Variants in PXN observed in about 807,000 individuals in gnomAD.
PXN encodes testicular tissue protein Li 134.
In PXN, 61 loss-of-function variants were observed where a neutral mutation model predicts 103.6. The ratio of observed to expected loss-of-function variants is 0.59; its 90% CI spans 0.48 to 0.73. The LOEUF is 0.73. PXN is among the 30% of genes least tolerant of loss of function. The pLI is 0.00. For synonymous variants in PXN, 562 were observed against 607.8 expected, an observed-to-expected ratio of 0.92 and a Z score of 1.11; for missense variants, 1,274 against 1,460.3, an observed-to-expected ratio of 0.87 and a Z score of 2.08.
In PXN at chr12:120,221,489, G is replaced by A; in HGVS notation, c.831+134C>T. ...TGGCATCACAGCAAGGCCAGGGCAT[G>A]ACAGTGTCCCTGGCTCAGGGGCAAG... On this transcript the variant is annotated intron_variant, in intron 6 of 14. Transcript: ENST00000637617. The surrounding 1 kb of genome is among the most constrained non-coding windows in gnomAD (Gnocchi z 6.6). 1 of 1,024,410 alleles carries A rather than the reference G, an allele frequency of 9.8e-7. No individual in the cohort carries two copies. The highest frequency in any genetic ancestry group is 1.6e-5 in the South Asian group (1 of 61,400). 63.5% of individuals were successfully genotyped at this position (1,024,410 alleles called of 1,614,324 possible). A position where few individuals can be genotyped will look rare whatever the true frequency, so the allele number is the denominator to read the frequency against.
chr12:120,262,684 C>T (rs995959442), intron 1 of PXN, among the ~76,000 whole-genome samples: 18 of 152,164 alleles, frequency 1.2e-4, no homozygotes, highest in Non-Finnish European at 2.2e-4. Context: ...CCACCAAGTA[C>T]ACTGAGAACA....
chr12:120,227,116 A>G, intron 1 of PXN: 1 of 986,950 alleles, frequency 1.0e-6, no homozygotes, highest in Non-Finnish European at 1.2e-6. Context: ...GAAAAGGGCA[A>G]CCTTGAAAAG....
chr12:120,245,651 T>G (rs895123917), intron 1 of PXN, among the ~76,000 whole-genome samples: 4 of 151,446 alleles, frequency 2.6e-5, no homozygotes, highest in African/African-American at 4.9e-5. Flanking sequence ...AGCCGGGTGT[T>G]GTGGCGGGCA....
intron 1 of PXN, among the ~76,000 whole-genome samples, chr12:120,242,883 A>C (rs1235528850): frequency 2.6e-5 from 3 of 117,008 alleles, no homozygotes; most frequent in Non-Finnish European, 4.6e-5. Context: ...TCGGGCTTTA[A>C]AAAAAAAAAA....
At chr12:120,262,470 G>A (rs144147746) in intron 1 of PXN, among the ~76,000 whole-genome samples, 176 of 152,278 alleles carry the variant, frequency 1.2e-3, no homozygotes, top group Admixed American at 2.0e-3. Context: ...TAAGATAACC[G>A]GATCTGGAAT....
At position 120,217,000 on chromosome 12, in the gene PXN, T is replaced by C; in HGVS notation, c.1833A>G (p.Glu611=). Residue 611 remains glutamate (E), a synonymous_variant, in exon 8 of 15, where the codon GAA becomes GAG. Transcript: ENST00000637617. The surrounding 1 kb of genome is among the most constrained non-coding windows in gnomAD (Gnocchi z 5.1). ...GCCCCTGCAGCTCCGCGATGAGCTG[T>C]TCCTGGGATGGGGTCCTGCTCAAGG... is the stretch of plus-strand genomic sequence containing the variant. ...PATLSRTPSQ[E]QLIAELQGRL... is the part of the protein sequence containing the mutation. 1 of 1,567,750 alleles carries C rather than the reference T, an allele frequency of 6.4e-7. No homozygotes were observed. Among genetic ancestry groups the C allele is most frequent in the Admixed American group, 1.8e-5 (1 of 55,176 alleles).
Position 120,216,078 on chromosome 12 carries a change from G to T in PXN, c.2301+195C>A. ...GGGTGGACCCACAGAAAAGCAAGAGGGCAGCGGACCTTCTGAGTGGGGGAA... is the reference window on the plus strand; with the variant it reads ...GGGTGGACCCACAGAAAAGCAAGAGTGCAGCGGACCTTCTGAGTGGGGGAA... On this transcript the variant is annotated intron_variant, in intron 9 of 14. Transcript: ENST00000637617. This position sits in a 1 kb window ranked among gnomAD's most constrained non-coding sequence, Gnocchi z 5.1. 1 of 1,303,378 alleles carries T rather than the reference G, an allele frequency of 7.7e-7. No homozygotes were observed. 80.7% of individuals were successfully genotyped at this position (1,303,378 alleles called of 1,614,324 possible). A position where few individuals can be genotyped will look rare whatever the true frequency, so the allele number is the denominator to read the frequency against.
In PXN at chr12:120,214,081, C is replaced by G. The variant is rs1051578234; in HGVS notation, c.2830+55G>C. On this transcript the variant is annotated intron_variant, in intron 13 of 14. Transcript: ENST00000637617. This position sits in a 1 kb window ranked among gnomAD's most constrained non-coding sequence, Gnocchi z 5.0. ...CAACCTCAGCAGCGTCTCCCACCCC[C>G]ACCTCCCCGGCCCTCCTAAGAGGCG... The G allele has an allele frequency of 1.1e-5, 17 of 1,561,500 alleles. No homozygotes were observed. The Admixed American group carries it at 3.3e-4, about 30-fold the overall frequency.
In PXN at chr12:120,224,153, G is replaced by C; in HGVS notation, c.238C>G (p.Gln80Glu). The C allele has an allele frequency of 6.4e-7, 1 of 1,571,192 alleles. No homozygotes were observed. ...CCCAGCCACTGTCCCCGCCTCACCT[G>C]CTGGTGGATGAATCGGGAGCTGCTG... ...QPSSSRFIHQQPQSSSPVYGS... is the reference protein window; with the variant it reads ...QPSSSRFIHQEPQSSSPVYGS... Residue 80 changes from glutamine to glutamate, a missense_variant and splice_region_variant, in exon 2 of 15, where the codon CAG (glutamine) becomes GAG (glutamate). This residue lies in a region of PXN where 1,178 missense variants were observed against 1,309.0 expected (regional missense o/e 0.90). Transcript: ENST00000637617. This position sits in a 1 kb window ranked among gnomAD's most constrained non-coding sequence, Gnocchi z 5.0.
At chr12:120,244,871 A>T (rs1442140255) in intron 1 of PXN, among the ~76,000 whole-genome samples, 5 of 151,954 alleles carry the variant, frequency 3.3e-5, no homozygotes, top group African/African-American at 9.7e-5. Flanking sequence ...AAATAATAAA[A>T]AAAAATCAAA....
intron 1 of PXN, among the ~76,000 whole-genome samples, chr12:120,256,035 G>A (rs1892967075): frequency 6.6e-6 from 1 of 151,832 alleles, no homozygotes; most frequent in Admixed American, 6.6e-5. Flanking sequence ...TCATGCCACT[G>A]TACTCCATTC....
intron 1 of PXN, among the ~76,000 whole-genome samples, chr12:120,242,106 A>T (rs1160924226): frequency 1.3e-5 from 2 of 152,084 alleles, no homozygotes; most frequent in African/African-American, 4.8e-5. Context: ...TTACACCAAG[A>T]ACAGGCAGAG....
At chr12:120,260,495 C>A in intron 1 of PXN, among the ~76,000 whole-genome samples, 1 of 78,518 alleles carries the variant, frequency 1.3e-5, no homozygotes. Context: ...AAGAGTGAAA[C>A]TCAGGAAAAA....
chr12:120,241,049 C>G (rs940898633), intron 1 of PXN, among the ~76,000 whole-genome samples: 1 of 152,174 alleles, frequency 6.6e-6, no homozygotes, highest in Admixed American at 6.5e-5. Flanking sequence ...TGGAGCTGAC[C>G]CTCCTGGGGA....
Position 120,216,898 on chromosome 12 carries a change from G to A in PXN, c.1935C>T (p.Gly645=), listed in dbSNP as rs774121992. Residue 645 remains glycine, a synonymous_variant, in exon 8 of 15, where the codon GGC becomes GGT. Transcript: ENST00000637617. This position sits in a 1 kb window ranked among gnomAD's most constrained non-coding sequence, Gnocchi z 5.1. The part of the protein sequence containing the change: ...GPSAQDWLTE[G]VIITVQPRGK... ...CACGTGGCTGCACAGTGATGATGAC[G>A]CCCTCGGTCAGCCAGTCCTGGGCAG... The A allele has an allele frequency of 2.8e-4, 422 of 1,517,392 alleles. 1 individual carries two copies. The highest frequency in any genetic ancestry group is 3.4e-4 in the Non-Finnish European group (384 of 1,136,790). 94.0% of individuals were successfully genotyped at this position (1,517,392 alleles called of 1,614,324 possible). A position where few individuals can be genotyped will look rare whatever the true frequency, so the allele number is the denominator to read the frequency against.
At position 120,216,686 on chromosome 12, in the gene PXN, C is replaced by T. The variant is rs761936752; in HGVS notation, c.1993-105G>A. On this transcript the variant is annotated intron_variant, in intron 8 of 14. Transcript: ENST00000637617. The surrounding 1 kb of genome is among the most constrained non-coding windows in gnomAD (Gnocchi z 5.1). ...TCCCCCTGGGCCTTCCCACTCTGCA[C>T]CAAGAGTGGGGCCAGTCTTCCAAAG... 2.5e-6 allele frequency: 4 copies of T among 1,590,524 alleles called. No individual in the cohort carries two copies. The highest frequency in any genetic ancestry group is 3.4e-6 in the Non-Finnish European group (4 of 1,177,402).
At chr12:120,242,658 G>T (rs1338343476) in intron 1 of PXN, among the ~76,000 whole-genome samples, 9 of 152,052 alleles carry the variant, frequency 5.9e-5, no homozygotes. Flanking sequence ...GGCAGAGGCG[G>T]GCAGATCACT....
Position 120,216,645 on chromosome 12 carries a change from CG to C in PXN, c.1993-65del. ...TCGCCAGCTCAGCCCACAGGGGTGG[CG>C]GGACCTCCCCAGGCTCCCCCTGGGC... On this transcript the variant is annotated intron_variant, in intron 8 of 14. Coordinates refer to ENST00000637617, the MANE Select transcript of PXN (RefSeq NM_001385981.1). This position sits in a 1 kb window ranked among gnomAD's most constrained non-coding sequence, Gnocchi z 5.1. 1 of 1,549,146 alleles carries C rather than the reference CG, an allele frequency of 6.5e-7. No homozygotes were observed. The highest frequency in any genetic ancestry group is 8.6e-7 in the Non-Finnish European group (1 of 1,164,358).
In PXN at chr12:120,232,146, C is replaced by G. The variant is rs115397584; in HGVS notation, c.14-7769G>C. On this transcript the variant is annotated intron_variant, in intron 1 of 14. Coordinates refer to ENST00000637617, the MANE Select transcript of PXN (RefSeq NM_001385981.1). ...AAGGGATCTTCCTGCCTCAGCCTCC[C>G]GAGTAGCTAGGACTAAAAGCACATG... 8.0e-3 allele frequency among the ~76,000 whole-genome samples: 1,221 copies of G among 152,302 alleles called. 18 individuals are homozygous for G. Among genetic ancestry groups the G allele is most frequent in the African/African-American group, 0.028 (1,156 of 41,554 alleles).
Sources: gnomAD v4.1 joint callset for allele counts (sites outside exome capture counted in the v4.1 genomes callset) on GRCh38, gnomAD v4.1.1 for gene constraint, gnomAD v4.1.1 regional missense constraint, Gnocchi (gnomAD v3.1) non-coding constraint, MANE v1.5 for transcripts, NCBI Gene and HGNC (gene_info 2026-07-23, HGNC 2026-07-21) for gene names.